BBOX1: variants seen among roughly 807,000 people sequenced by gnomAD.
The protein encoded by BBOX1 is gamma-butyrobetaine hydroxylase 1.
In BBOX1, 35 loss-of-function variants were observed where a neutral mutation model predicts 41.6. That is an observed-to-expected ratio of 0.84 (90% CI 0.64 to 1.11). BBOX1 has a LOEUF of 1.11. Ranked by LOEUF, BBOX1 falls within the 50% of genes most tolerant of loss-of-function variation. BBOX1 has a pLI of 0.00. For missense variants in BBOX1, 458 were observed against 460.6 expected (o/e 0.99, Z 0.05); for synonymous variants, 163 against 154.7 (o/e 1.05, Z -0.40).
At chr11:27,124,526 T>A (rs560956892) in intron 7 of BBOX1, among the ~76,000 whole-genome samples, 8 of 152,284 alleles carry the variant, frequency 5.3e-5, no homozygotes, top group African/African-American at 1.9e-4. Flanking sequence ...ATTTATTAAT[T>A]TATTTTTTTG....
At chr11:27,089,517 T>C (rs1363530782) in intron 4 of BBOX1, among the ~76,000 whole-genome samples, 1 of 152,168 alleles carries the variant, frequency 6.6e-6, no homozygotes, top group Non-Finnish European at 1.5e-5. Context: ...ACAGTCTACA[T>C]AGGAATAGAA....
chr11:27,109,570 A>G (rs560796754), intron 5 of BBOX1, among the ~76,000 whole-genome samples: 1 of 152,160 alleles, frequency 6.6e-6, no homozygotes, highest in South Asian at 2.1e-4. Context: ...GAAAAAAGAA[A>G]CCAGAAAAAA....
intron 4 of BBOX1, among the ~76,000 whole-genome samples, chr11:27,076,246 C>A (rs1857625704): frequency 6.6e-6 from 1 of 152,164 alleles, no homozygotes; most frequent in Admixed American, 6.5e-5. Context: ...GCAGCAGATA[C>A]CAGCACTAGC....
chr11:27,051,529 T>C (rs1335113335), intron 2 of BBOX1, among the ~76,000 whole-genome samples: 1 of 152,078 alleles, frequency 6.6e-6, no homozygotes, highest in African/African-American at 2.4e-5. Flanking sequence ...TCAGATTTTC[T>C]ATTCATGATT....
intron 5 of BBOX1, among the ~76,000 whole-genome samples, chr11:27,100,285 A>G (rs1048104425): frequency 2.0e-5 from 3 of 152,182 alleles, no homozygotes; most frequent in Admixed American, 2.0e-4. Flanking sequence ...TAGAGAAAGA[A>G]AAAACAAGTT....
At chr11:27,044,871 C>T (rs1337792861) in intron 2 of BBOX1, among the ~76,000 whole-genome samples, 1 of 152,138 alleles carries the variant, frequency 6.6e-6, no homozygotes, top group Admixed American at 6.5e-5. Flanking sequence ...CATGATGCCT[C>T]CAGCTTTGTC....
chr11:27,095,297 G>C (rs908960407), intron 5 of BBOX1, among the ~76,000 whole-genome samples: 1 of 151,916 alleles, frequency 6.6e-6, no homozygotes, highest in African/African-American at 2.4e-5. Context: ...CCAAATTTGG[G>C]GATCTTTGTT....
intron 4 of BBOX1, among the ~76,000 whole-genome samples, chr11:27,067,451 C>T (rs1857321886): frequency 6.6e-6 from 1 of 151,898 alleles, no homozygotes; most frequent in Non-Finnish European, 1.5e-5. Flanking sequence ...AGTTGAGCTC[C>T]GGGCCAGGCG....
rs1482620623 is a variant in BBOX1 at position 27,041,465 on chromosome 11, A to G, written c.-52A>G. ...AAAGGATCTAAGGACCAAAGCTGACAGTTTCTTTACTTGGTAAGTTTTGGG... is the reference window on the plus strand; with the variant it reads ...AAAGGATCTAAGGACCAAAGCTGACGGTTTCTTTACTTGGTAAGTTTTGGG... On this transcript the variant is annotated 5_prime_UTR_variant, in exon 2 of 9. Transcript: ENST00000263182. 6.6e-6 allele frequency: 1 copy of G among 152,208 alleles called. No individual in the cohort carries two copies. Among genetic ancestry groups the G allele is most frequent in the Non-Finnish European group, 1.5e-5 (1 of 68,066 alleles). The allele number at this position is 152,208 out of a possible 1,614,324, so 9.4% of individuals were successfully genotyped here.
intron 5 of BBOX1, among the ~76,000 whole-genome samples, chr11:27,094,099 T>A (rs1415102596): frequency 1.3e-5 from 2 of 151,938 alleles, no homozygotes; most frequent in Non-Finnish European, 2.9e-5. Flanking sequence ...AAGATAAAAC[T>A]AACATTCATA....
At position 27,125,697 on chromosome 11, in the gene BBOX1, G is replaced by A. The variant is rs778855144; in HGVS notation, c.880G>A (p.Ala294Thr). 12 of 1,603,456 alleles carry A rather than the reference G, an allele frequency of 7.5e-6. No individual in the cohort carries two copies. The Middle Eastern group carries it at 8.3e-4, about 110-fold the overall frequency. Reference protein sequence around the residue: ...GQVVRINFNNATRDTIFDVPV... With the variant: ...GQVVRINFNNTTRDTIFDVPV... ...AGTGGTTCGCATCAACTTCAATAAC[G>A]CAACTAGGGACACAATATTTGATGT... The change falls in exon 8 of 9, where the codon GCA becomes ACA. Residue 294 changes from alanine (A) to threonine (T), a missense_variant. Coordinates refer to ENST00000263182, the MANE Select transcript of BBOX1 (RefSeq NM_003986.3).
At chr11:27,057,518 A>T (rs1857021888) in intron 4 of BBOX1, 1 of 496,328 alleles carries the variant, frequency 2.0e-6, no homozygotes, top group Admixed American at 4.1e-5. Context: ...TAGACATTCT[A>T]CAGAGAAAGA....
chr11:27,056,365 C>T (rs140701775), intron 3 of BBOX1, among the ~76,000 whole-genome samples: 65 of 152,238 alleles, frequency 4.3e-4, no homozygotes, highest in African/African-American at 1.5e-3. Flanking sequence ...TCAAGCAATT[C>T]TCCTGCCTCA....
In BBOX1 at chr11:27,078,500, A is replaced by G. The variant is rs543382207; in HGVS notation, c.335-14668A>G. On this transcript the variant is annotated intron_variant, in intron 4 of 8. Coordinates refer to ENST00000263182, the MANE Select transcript of BBOX1 (RefSeq NM_003986.3). ...CCCCACCATGGAATACTATGCAGCCATAAAAAAGGATGAGTTCATGTCCTT... is the reference window on the plus strand; with the variant it reads ...CCCCACCATGGAATACTATGCAGCCGTAAAAAAGGATGAGTTCATGTCCTT... 3.3e-5 allele frequency among the ~76,000 whole-genome samples: 5 copies of G among 152,170 alleles called. No homozygotes were observed. The South Asian group carries it at 6.2e-4, about 19-fold the overall frequency.
chr11:27,070,022 C>T (rs780488270), intron 4 of BBOX1, among the ~76,000 whole-genome samples: 19 of 151,908 alleles, frequency 1.3e-4, no homozygotes, highest in Admixed American at 3.3e-4. Flanking sequence ...CATTATTAAC[C>T]CCAAAATCAT....
chr11:27,111,565 T>A (rs1302457631), intron 5 of BBOX1, among the ~76,000 whole-genome samples: 1 of 152,046 alleles, frequency 6.6e-6, no homozygotes, highest in Non-Finnish European at 1.5e-5. Flanking sequence ...TTGTGTGTCA[T>A]TTAGTACATT....
intron 5 of BBOX1, among the ~76,000 whole-genome samples, chr11:27,100,472 T>A (rs746921418): frequency 2.0e-5 from 3 of 152,116 alleles, no homozygotes; most frequent in Non-Finnish European, 4.4e-5. Flanking sequence ...TTCTACTTTT[T>A]AAAAATTTAC....
chr11:27,080,820 G>T (rs6484264), intron 4 of BBOX1, among the ~76,000 whole-genome samples: 136,958 of 152,080 alleles, frequency 0.9, 61,869 homozygotes, highest in East Asian at 0.94. Context: ...ATGTAAGTTA[G>T]AGTTAACTAG....
rs575743100 is a variant in BBOX1 at position 27,045,679 on chromosome 11, G to T, written c.-39+4201G>T. On this transcript the variant is annotated intron_variant, in intron 2 of 8. Transcript: ENST00000263182. The stretch of plus-strand genomic sequence containing the variant: ...TATCGAAGCATCATACTTCTCCTGA[G>T]AAAGAGATGAAAATTAACAGATACT... Among the ~76,000 whole-genome samples the T allele has an allele frequency of 2.0e-5, 3 of 152,142 alleles. No homozygotes were observed. In the South Asian group the frequency reaches 6.2e-4, roughly 32 times the overall value.
Sources: allele counts gnomAD v4.1 joint callset (sites outside exome capture counted in the v4.1 genomes callset), GRCh38; gene constraint gnomAD v4.1.1; transcripts MANE v1.5; gene names NCBI Gene and HGNC (gene_info 2026-07-23, HGNC 2026-07-21).